Variants in CMSS1 observed in about 807,000 individuals in gnomAD.
The protein encoded by CMSS1 is cms1 ribosomal small subunit homolog.
Under a neutral mutation model 43.5 loss-of-function variants are expected in CMSS1, and 33 were observed. That is an observed-to-expected ratio of 0.76 (90% CI 0.57 to 1.01). The LOEUF (loss-of-function observed/expected upper bound fraction) is 1.01, where lower values mean the gene tolerates loss of function less well. Ranked by LOEUF, CMSS1 falls within the 50% of genes least tolerant of loss-of-function variation. CMSS1 has a pLI of 0.00. For synonymous variants in CMSS1, 115 were observed against 117.2 expected (o/e 0.98, Z 0.12); for missense variants, 313 against 326.4 (o/e 0.96, Z 0.32).
chr3:100,068,016 A>T (rs1446634349), intron 1 of CMSS1, among the ~76,000 whole-genome samples: 1 of 152,228 alleles, frequency 6.6e-6, no homozygotes, highest in South Asian at 2.1e-4. Context: ...CCTCCACAGC[A>T]TAAGCTTTAA....
intron 1 of CMSS1, among the ~76,000 whole-genome samples, chr3:100,002,124 G>C (rs954480569): frequency 5.3e-5 from 8 of 152,196 alleles, no homozygotes; most frequent in Admixed American, 2.0e-4. Flanking sequence ...CACTGGGACT[G>C]ACCACCTCCT....
intron 1 of CMSS1, chr3:100,011,648 A>C (rs974481710): frequency 2.0e-5 from 3 of 152,220 alleles, no homozygotes; most frequent in Non-Finnish European, 4.4e-5. Flanking sequence ...ATAGGATGTC[A>C]TTGATGTTCT....
intron 1 of CMSS1, among the ~76,000 whole-genome samples, chr3:100,021,930 T>TGC: frequency 1.7e-5 from 2 of 118,434 alleles, no homozygotes; most frequent in African/African-American, 6.3e-5. Flanking sequence ...TGTGTGTGTG[T>TGC]GTGTGTGTGT....
At chr3:99,956,285 AC>A (rs1708317661) in intron 1 of CMSS1, among the ~76,000 whole-genome samples, 1 of 151,856 alleles carries the variant, frequency 6.6e-6, no homozygotes, top group Non-Finnish European at 1.5e-5. Flanking sequence ...TCACATCTTT[AC>A]ACATGTTCTC....
At chr3:99,851,381 G>T (rs1179241381) in intron 1 of CMSS1, among the ~76,000 whole-genome samples, 3 of 152,156 alleles carry the variant, frequency 2.0e-5, no homozygotes, top group African/African-American at 7.2e-5. Context: ...TGGCCTGAAG[G>T]CTGTGAAAAT....
chr3:100,108,301 G>A (rs1259497984), intron 1 of CMSS1, among the ~76,000 whole-genome samples: 1 of 152,124 alleles, frequency 6.6e-6, no homozygotes, highest in African/African-American at 2.4e-5. Flanking sequence ...CCAAGGTATA[G>A]CACCATAGTG....
intron 1 of CMSS1, 32 bp downstream of exon 1, chr3:99,818,075 C>T: frequency 3.7e-6 from 6 of 1,604,916 alleles, no homozygotes; most frequent in Non-Finnish European, 5.1e-6. Context: ...TCCTACGGGG[C>T]CTCTCCCGGA....
chr3:99,913,104 A>G (rs960406990), intron 1 of CMSS1, among the ~76,000 whole-genome samples: 6 of 152,172 alleles, frequency 3.9e-5, no homozygotes, highest in South Asian at 2.1e-4. Flanking sequence ...GCGGTTTACA[A>G]CCCAGAAGAG....
chr3:99,912,793 T>C (rs1321550028), intron 1 of CMSS1, among the ~76,000 whole-genome samples: 1 of 152,236 alleles, frequency 6.6e-6, no homozygotes, highest in Non-Finnish European at 1.5e-5. Context: ...TTGACTATCA[T>C]GAATAATGCT....
At chr3:99,836,560 T>C (rs140045930) in intron 1 of CMSS1, among the ~76,000 whole-genome samples, 136 of 152,270 alleles carry the variant, frequency 8.9e-4, no homozygotes, top group African/African-American at 3.1e-3. Flanking sequence ...CAACTGCCGC[T>C]CTTTTCTTCT....
chr3:100,107,315 T>G (rs1469286926), intron 1 of CMSS1, among the ~76,000 whole-genome samples: 1 of 152,156 alleles, frequency 6.6e-6, no homozygotes, highest in Non-Finnish European at 1.5e-5. Flanking sequence ...TATGATGCCA[T>G]CTGGGAAAAT....
chr3:99,825,509 T>C (rs1399857537), intron 1 of CMSS1, among the ~76,000 whole-genome samples: 2 of 152,228 alleles, frequency 1.3e-5, no homozygotes, highest in Non-Finnish European at 2.9e-5. Flanking sequence ...TTTAATTTAC[T>C]GCATATAATT....
intron 1 of CMSS1, among the ~76,000 whole-genome samples, chr3:100,084,742 C>T (rs147866593): frequency 1.1e-4 from 16 of 152,230 alleles, no homozygotes; most frequent in East Asian, 5.8e-4. Flanking sequence ...ATTTGTGTTC[C>T]GAAAACTGAA....
At chr3:100,014,379 T>C (rs1298670501) in intron 1 of CMSS1, among the ~76,000 whole-genome samples, 3 of 152,122 alleles carry the variant, frequency 2.0e-5, no homozygotes, top group Non-Finnish European at 4.4e-5. Flanking sequence ...TGTTGCATTA[T>C]ATGGTAGTTC....
At chr3:99,878,735 G>A (rs1705622628) in intron 1 of CMSS1, among the ~76,000 whole-genome samples, 2 of 152,194 alleles carry the variant, frequency 1.3e-5, no homozygotes, top group Admixed American at 6.5e-5. Context: ...CACTTCAAAC[G>A]AAAGTCAAGG....
chr3:99,902,089 G>A (rs927738449), intron 1 of CMSS1, among the ~76,000 whole-genome samples: 2 of 152,082 alleles, frequency 1.3e-5, no homozygotes, highest in Non-Finnish European at 2.9e-5. Flanking sequence ...ATATTTAAAT[G>A]ATTGGCTTGC....
At chr3:100,103,662 C>A (rs1415483718) in intron 1 of CMSS1, among the ~76,000 whole-genome samples, 3 of 152,176 alleles carry the variant, frequency 2.0e-5, no homozygotes, top group East Asian at 3.8e-4. Flanking sequence ...CAGCATTGCA[C>A]TGTATTAGAA....
chr3:100,123,821 C>A (rs2066641088), intron 1 of CMSS1, among the ~76,000 whole-genome samples: 1 of 152,214 alleles, frequency 6.6e-6, no homozygotes. Context: ...TGTCCTAGAT[C>A]TGCTATCATT....
chr3:99,871,972 C>T (rs1944810268), intron 1 of CMSS1, among the ~76,000 whole-genome samples: 1 of 151,998 alleles, frequency 6.6e-6, no homozygotes, highest in South Asian at 2.1e-4. Context: ...TACTTAAGAA[C>T]TTTGAACCTT....
Sources: allele counts gnomAD v4.1 joint callset (sites outside exome capture counted in the v4.1 genomes callset), GRCh38; gene constraint gnomAD v4.1.1; transcripts MANE v1.5; gene names NCBI Gene and HGNC (gene_info 2026-07-23, HGNC 2026-07-21).